The following DCLK2 variants were observed in gnomAD, a reference collection of about 807,000 sequenced individuals.
DCLK2 encodes serine/threonine-protein kinase DCLK2.
In DCLK2, 31 loss-of-function variants were observed where a neutral mutation model predicts 78.4. That is an observed-to-expected ratio of 0.40 (90% CI 0.30 to 0.53). The LOEUF (loss-of-function observed/expected upper bound fraction) is 0.53, where lower values mean the gene tolerates loss of function less well. DCLK2 is among the 20% of genes least tolerant of loss of function. The pLI, the probability that DCLK2 is intolerant of heterozygous loss-of-function variation, is 0.61. For missense variants in DCLK2, 872 were observed against 973.7 expected (o/e 0.90, Z 1.39); for synonymous variants, 407 against 374.9 (o/e 1.09, Z -0.99).
chr4:150,215,682 A>G (rs953974782), intron 5 of DCLK2, among the ~76,000 whole-genome samples: 2 of 152,162 alleles, frequency 1.3e-5, no homozygotes, highest in Non-Finnish European at 2.9e-5. Context: ...TTGGATTTTT[A>G]TGGAGGCTTC....
intron 15 of DCLK2, among the ~76,000 whole-genome samples, chr4:150,253,106 A>G (rs200232311): frequency 5.2e-5 from 5 of 95,698 alleles, no homozygotes; most frequent in Non-Finnish European, 1.1e-4. Context: ...CGTCCTCCTC[A>G]TCCTCCTCAT....
chr4:150,102,698 C>A lies in DCLK2; in HGVS notation c.642C>A (p.Ile214=), dbSNP rs763882416. 42 of 1,613,948 alleles carry A rather than the reference C, an allele frequency of 2.6e-5. No homozygotes were observed. The highest frequency in any genetic ancestry group is 5.9e-6 in the Non-Finnish European group (7 of 1,179,988). Residue 214 remains isoleucine, a synonymous_variant, in exon 2 of 16, where the codon ATC becomes ATA. Transcript: ENST00000296550. The part of the protein sequence containing the change: ...SGVKPRKAVR[I]LLNKKTAHSF... ...TGAAGCCTAGAAAAGCCGTGCGGATCCTTCTGAATAAAAAGACTGCTCATT... is the reference window on the plus strand; with the variant it reads ...TGAAGCCTAGAAAAGCCGTGCGGATACTTCTGAATAAAAAGACTGCTCATT...
rs1454035697 is a variant in DCLK2, at chr4:150,175,011, A to AAAAAAAAAAAAAT, written c.757-18126_757-18125insAAAAAAAAAAATA. ...AGACTCCGTCGCAAAAAAAAAAAAA[A>AAAAAAAAAAAAAT]ATATATATATATATATATATATTTA... is the stretch of plus-strand genomic sequence containing the variant. On this transcript the variant is annotated intron_variant, in intron 2 of 15. Coordinates refer to ENST00000296550, the MANE Select transcript of DCLK2 (RefSeq NM_001040260.4). Among the ~76,000 whole-genome samples, 7 of 9,974 alleles carry AAAAAAAAAAAAAT rather than the reference A, an allele frequency of 7.0e-4. 2 individuals carry two copies. The highest frequency in any genetic ancestry group is 7.2e-4 in the Non-Finnish European group (3 of 4,166). 6.5% of individuals were successfully genotyped at this position (9,974 alleles called of 152,430 possible).
At chr4:150,144,551 T>C (rs1342676247) in intron 2 of DCLK2, among the ~76,000 whole-genome samples, 2 of 152,152 alleles carry the variant, frequency 1.3e-5, no homozygotes, top group African/African-American at 4.8e-5. Flanking sequence ...AGGATTGCTT[T>C]GACTGATTGG....
At chr4:150,253,412 A>G in intron 15 of DCLK2, 3 of 1,287,564 alleles carry the variant, frequency 2.3e-6, no homozygotes, top group Non-Finnish European at 3.0e-6. Flanking sequence ...TGGGCTAGAA[A>G]TTGGTCCATA....
chr4:150,147,856 T>C (rs1169590443), intron 2 of DCLK2, among the ~76,000 whole-genome samples: 3 of 152,140 alleles, frequency 2.0e-5, no homozygotes, highest in Admixed American at 1.3e-4. Flanking sequence ...ACAGATTAAT[T>C]GAAATATCAA....
At chr4:150,097,172 CTTT>C (rs35494411) in intron 1 of DCLK2, among the ~76,000 whole-genome samples, 8 of 133,970 alleles carry the variant, frequency 6.0e-5, no homozygotes, top group African/African-American at 8.4e-5. Context: ...AATTTCTAGC[CTTT>C]TTTTTTTTTT....
chr4:150,120,733 C>T (rs1490312261), intron 2 of DCLK2, among the ~76,000 whole-genome samples: 1 of 152,130 alleles, frequency 6.6e-6, no homozygotes, highest in East Asian at 1.9e-4. Context: ...GTTAAGTGTG[C>T]AGTAGCATTA....
chr4:150,222,746 G>A (rs1325035306), intron 7 of DCLK2, among the ~76,000 whole-genome samples: 1 of 151,612 alleles, frequency 6.6e-6, no homozygotes, highest in Non-Finnish European at 1.5e-5. Context: ...CACGCCTGAA[G>A]TCCCAGCTAC....
At chr4:150,098,594 C>CT (rs1730634704) in intron 1 of DCLK2, among the ~76,000 whole-genome samples, 1 of 151,988 alleles carries the variant, frequency 6.6e-6, no homozygotes, top group Non-Finnish European at 1.5e-5. Context: ...GTGGTGAAGT[C>CT]TGAGATTTTA....
chr4:150,240,948 C>G (rs1246743315), intron 12 of DCLK2, among the ~76,000 whole-genome samples: 1 of 152,122 alleles, frequency 6.6e-6, no homozygotes, highest in East Asian at 1.9e-4. Context: ...ACCCATAATA[C>G]AGTGTCTACC....
intron 1 of DCLK2, among the ~76,000 whole-genome samples, chr4:150,088,957 G>A (rs942021697): frequency 2.0e-5 from 3 of 152,130 alleles, no homozygotes; most frequent in Admixed American, 6.5e-5. Context: ...CTCTACGTGG[G>A]GTTAAGACCT....
At position 150,199,083 on chromosome 4, in the gene DCLK2, GC is replaced by G. The variant is rs771450463; in HGVS notation, c.961+982del. ...ATTCTACAGCCAAATCCCCAGGTGA[GC>G]CATGACTATTGTGGCTTTGTTGCTC... is the stretch of plus-strand genomic sequence containing the variant. On this transcript the variant is annotated intron_variant, in intron 4 of 15. Coordinates refer to ENST00000296550, the MANE Select transcript of DCLK2 (RefSeq NM_001040260.4). The G allele has an allele frequency of 6.9e-6, 11 of 1,595,512 alleles. No individual in the cohort carries two copies. The African/African-American group carries it at 1.3e-4, about 19-fold the overall frequency.
intron 1 of DCLK2, among the ~76,000 whole-genome samples, chr4:150,091,318 C>T (rs555708451): frequency 4.6e-5 from 7 of 152,176 alleles, no homozygotes; most frequent in East Asian, 1.9e-4. Flanking sequence ...TCTTAATTTC[C>T]GAAGTTAGGA....
chr4:150,133,766 A>T (rs1315321054), intron 2 of DCLK2, among the ~76,000 whole-genome samples: 2 of 152,230 alleles, frequency 1.3e-5, no homozygotes, highest in Non-Finnish European at 2.9e-5. Context: ...TACAATGTGT[A>T]AACATAAAAT....
intron 2 of DCLK2, among the ~76,000 whole-genome samples, chr4:150,179,319 C>G (rs543749662): frequency 6.6e-6 from 1 of 152,158 alleles, no homozygotes; most frequent in African/African-American, 2.4e-5. Context: ...TGAGCCACTG[C>G]GCCCAGCCAA....
intron 3 of DCLK2, among the ~76,000 whole-genome samples, chr4:150,196,377 T>C (rs1358929673): frequency 1.3e-5 from 2 of 152,198 alleles, no homozygotes; most frequent in East Asian, 3.8e-4. Flanking sequence ...AGTCGGATAC[T>C]TTTAACATCC....
intron 10 of DCLK2, among the ~76,000 whole-genome samples, chr4:150,233,538 G>A (rs1580767085): frequency 6.6e-6 from 1 of 152,236 alleles, no homozygotes; most frequent in African/African-American, 2.4e-5. Flanking sequence ...GGAGTAGAAT[G>A]TGGGGGTTCA....
chr4:150,079,492 G>T (rs540354211), intron 1 of DCLK2, 44 bp downstream of exon 1: 3 of 1,441,198 alleles, frequency 2.1e-6, no homozygotes, highest in African/African-American at 2.9e-5. Flanking sequence ...CGGAGCGCCG[G>T]CAGGTGCAGT....
Sources: allele counts gnomAD v4.1 joint callset (sites outside exome capture counted in the v4.1 genomes callset), GRCh38; gene constraint gnomAD v4.1.1; transcripts MANE v1.5; gene names NCBI Gene and HGNC (gene_info 2026-07-23, HGNC 2026-07-21).